BMPR2: variants seen among roughly 807,000 people sequenced by gnomAD.
BMPR2 encodes bone morphogenetic protein receptor type-2.
BMPR2 carries 29 observed loss-of-function variants against 100.8 expected under a neutral mutation model. That is an observed-to-expected ratio of 0.29 (90% CI 0.21 to 0.39). The LOEUF (loss-of-function observed/expected upper bound fraction) is 0.39. Among genes scored for constraint, BMPR2 ranks in the 10% least tolerant of loss-of-function variants. BMPR2 has a pLI of 1.00. For missense variants in BMPR2, 1,011 were observed against 1,274.5 expected, an observed-to-expected ratio of 0.79 and a Z score of 3.15; for synonymous variants, 382 against 442.3, an observed-to-expected ratio of 0.86 and a Z score of 1.71.
chr2:202,552,929 G>A, intron 11 of BMPR2, 41 bp downstream of exon 11: 4 of 1,607,532 alleles, frequency 2.5e-6, no homozygotes, highest in Non-Finnish European at 3.4e-6. Context: ...ATCAGTATTA[G>A]AAACTGAGAC....
rs1318089040 is a variant in BMPR2, at chr2:202,376,531, G to A, written c.-944G>A. On this transcript the variant is annotated 5_prime_UTR_variant, in exon 1 of 13. Coordinates refer to ENST00000374580, the MANE Select transcript of BMPR2 (RefSeq NM_001204.7). ...GAACGAGGCGGCGGCGGCGGCGGCG[G>A]CGGCGGCGGCGGCGGCAGCAGCAGC... Among the ~76,000 whole-genome samples the A allele has an allele frequency of 7.0e-6, 1 of 143,050 alleles. No individual in the cohort carries two copies. The highest frequency in any genetic ancestry group is 2.6e-5 in the African/African-American group (1 of 38,920). The allele number at this position is 143,050 out of a possible 152,430, so 93.8% of individuals were successfully genotyped here.
rs13404157 is a variant in BMPR2 at position 202,421,621 on chromosome 2, G to A, written c.77-43188G>A. On this transcript the variant is annotated intron_variant, in intron 1 of 12. Coordinates refer to ENST00000374580, the MANE Select transcript of BMPR2 (RefSeq NM_001204.7). ...TGTGCCACTGCACTCCAGCCTGGGCGACAGAGTGAGACTCCGTCTCAAAAA... is the reference window on the plus strand; with the variant it reads ...TGTGCCACTGCACTCCAGCCTGGGCAACAGAGTGAGACTCCGTCTCAAAAA... Among the ~76,000 whole-genome samples, 897 of 144,764 alleles carry A rather than the reference G, an allele frequency of 6.2e-3. 14 individuals are homozygous for A. Among genetic ancestry groups the A allele is most frequent in the African/African-American group, 0.021 (837 of 39,210 alleles). 95.0% of individuals were successfully genotyped at this position (144,764 alleles called of 152,430 possible).
At chr2:202,438,605 G>A (rs555682993) in intron 1 of BMPR2, among the ~76,000 whole-genome samples, 16 of 150,548 alleles carry the variant, frequency 1.1e-4, no homozygotes, top group South Asian at 2.1e-4. Flanking sequence ...TACGTTTTGC[G>A]TTTCTGATCC....
intron 1 of BMPR2, among the ~76,000 whole-genome samples, chr2:202,450,096 C>G (rs1003187589): frequency 6.6e-6 from 1 of 151,740 alleles, no homozygotes; most frequent in African/African-American, 2.4e-5. Flanking sequence ...GGCAACAGAG[C>G]GAGACTCCGT....
At chr2:202,487,056 T>A (rs1692792943) in intron 3 of BMPR2, among the ~76,000 whole-genome samples, 1 of 151,392 alleles carries the variant, frequency 6.6e-6, no homozygotes, top group Admixed American at 6.6e-5. Context: ...GATTTCCCCA[T>A]TTTTATTAAT....
intron 9 of BMPR2, among the ~76,000 whole-genome samples, chr2:202,534,079 G>T (rs1309884448): frequency 6.6e-6 from 1 of 151,648 alleles, no homozygotes; most frequent in Admixed American, 6.6e-5. Flanking sequence ...ATGAAATAGA[G>T]CTATTTAATT....
At chr2:202,504,071 T>C (rs1284693884) in intron 3 of BMPR2, among the ~76,000 whole-genome samples, 3 of 152,014 alleles carry the variant, frequency 2.0e-5, no homozygotes, top group African/African-American at 7.2e-5. Flanking sequence ...TGGAGAACCT[T>C]TGTGTCTAGC....
intron 3 of BMPR2, among the ~76,000 whole-genome samples, chr2:202,510,821 C>T (rs1396104871): frequency 1.3e-5 from 2 of 151,914 alleles, no homozygotes; most frequent in Non-Finnish European, 2.9e-5. Flanking sequence ...GCTGGGATTA[C>T]AGGCAAGCGC....
intron 1 of BMPR2, 73 bp from the exon 2 acceptor site, chr2:202,464,736 A>T: frequency 1.4e-6 from 2 of 1,391,956 alleles, no homozygotes; most frequent in Non-Finnish European, 1.9e-6. Context: ...AGTCATTCGG[A>T]TAAGACAAAG....
chr2:202,390,771 A>G (rs1690531321), intron 1 of BMPR2, among the ~76,000 whole-genome samples: 1 of 152,122 alleles, frequency 6.6e-6, no homozygotes. Context: ...CATGCTTGTC[A>G]GCCAGTTGTA....
intron 3 of BMPR2, among the ~76,000 whole-genome samples, chr2:202,506,815 G>A (rs1262284469): frequency 6.6e-5 from 10 of 152,162 alleles, no homozygotes; most frequent in South Asian, 2.1e-4. Context: ...CAGGAGAATC[G>A]CTTGAACCCA....
chr2:202,412,568 C>T (rs571265106), intron 1 of BMPR2, among the ~76,000 whole-genome samples: 46 of 152,294 alleles, frequency 3.0e-4, no homozygotes, highest in African/African-American at 1.1e-3. Context: ...ATCCGCCCGC[C>T]TCGGCCTCCG....
chr2:202,499,866 CTTGGTGGT>C (rs1239569107), intron 3 of BMPR2, among the ~76,000 whole-genome samples: 2 of 152,158 alleles, frequency 1.3e-5, no homozygotes, highest in Non-Finnish European at 2.9e-5. Context: ...ACAAACAAAC[CTTGGTGGT>C]TCAGAGAGGA....
chr2:202,551,080 C>A (rs1688469328), intron 10 of BMPR2, among the ~76,000 whole-genome samples: 5 of 150,808 alleles, frequency 3.3e-5, no homozygotes, highest in Non-Finnish European at 7.4e-5. Flanking sequence ...CCTCAGCATC[C>A]CAAATAGCAG....
At chr2:202,493,900 CTT>C (rs1692964660) in intron 3 of BMPR2, among the ~76,000 whole-genome samples, 1 of 151,884 alleles carries the variant, frequency 6.6e-6, no homozygotes, top group Non-Finnish European at 1.5e-5. Flanking sequence ...TTATTTTTTG[CTT>C]TTTCTTCCAA....
intron 3 of BMPR2, among the ~76,000 whole-genome samples, chr2:202,493,801 CTCT>C (rs1012155180): frequency 2.6e-5 from 4 of 152,124 alleles, no homozygotes; most frequent in African/African-American, 9.7e-5. Context: ...TTATTTCTCT[CTCT>C]TCTTCAGTTT....
At chr2:202,457,315 T>C (rs552111935) in intron 1 of BMPR2, among the ~76,000 whole-genome samples, 2 of 151,916 alleles carry the variant, frequency 1.3e-5, no homozygotes, top group East Asian at 3.9e-4. Flanking sequence ...TATTCATTGC[T>C]TCAGATGATT....
At chr2:202,539,920 T>C (rs1341489794) in intron 9 of BMPR2, among the ~76,000 whole-genome samples, 1 of 152,142 alleles carries the variant, frequency 6.6e-6, no homozygotes, top group Non-Finnish European at 1.5e-5. Flanking sequence ...AATCCAGCGA[T>C]AGTAAGGAAA....
chr2:202,480,118 A>G (rs1223809570), intron 3 of BMPR2, among the ~76,000 whole-genome samples: 1 of 151,240 alleles, frequency 6.6e-6, no homozygotes, highest in African/African-American at 2.4e-5. Context: ...TCACTCTGAA[A>G]CCATTTTCTT....
Sources: allele counts gnomAD v4.1 joint callset (sites outside exome capture counted in the v4.1 genomes callset), GRCh38; gene constraint gnomAD v4.1.1; transcripts MANE v1.5; gene names NCBI Gene and HGNC (gene_info 2026-07-23, HGNC 2026-07-21).